Variants in RNF139 observed in about 807,000 individuals in gnomAD.
The protein encoded by RNF139 is ring finger protein 139.
RNF139 carries 15 observed loss-of-function variants against 49.5 expected under a neutral mutation model. That is an observed-to-expected ratio of 0.30 (90% CI 0.20 to 0.47). RNF139 has a LOEUF of 0.47. Ranked by LOEUF, RNF139 falls within the 20% of genes least tolerant of loss-of-function variation. The pLI, the probability that RNF139 is intolerant of heterozygous loss-of-function variation, is 1.00. For missense variants in RNF139, 619 were observed against 806.3 expected (o/e 0.77, Z 2.81); for synonymous variants, 325 against 300.9 (o/e 1.08, Z -0.83).
chr8:124,488,263 C>T lies in RNF139; in HGVS notation c.*619C>T, dbSNP rs914740243. Among the ~76,000 whole-genome samples the T allele has an allele frequency of 2.6e-5, 4 of 152,084 alleles. No individual in the cohort carries two copies. The highest frequency in any genetic ancestry group is 9.7e-5 in the African/African-American group (4 of 41,408). On this transcript the variant is annotated 3_prime_UTR_variant, in exon 2 of 2. Coordinates refer to ENST00000303545, the MANE Select transcript of RNF139 (RefSeq NM_007218.4). ...TGTATCAACTAAACTTTGATATAAA[C>T]CAGAATGTGCTAAATGTTTTTTATG...
chr8:124,478,527 G>A (rs1816348623), intron 1 of RNF139, among the ~76,000 whole-genome samples: 1 of 149,630 alleles, frequency 6.7e-6, no homozygotes, highest in Non-Finnish European at 1.5e-5. Flanking sequence ...AGAATCTCTC[G>A]AATCGGGGAG....
Position 124,474,971 on chromosome 8 carries a change from G to A in RNF139, c.-139G>A, listed in dbSNP as rs1013691852. On this transcript the variant is annotated 5_prime_UTR_variant, in exon 1 of 2. Transcript: ENST00000303545. This position sits in a 1 kb window ranked among gnomAD's most constrained non-coding sequence, Gnocchi z 4.6. ...CTCGAGGGACGCGAGCGGGCGGCGG[G>A]GCTGGCCGTGAGAGAGACAGGAGAG... 10 of 478,846 alleles carry A rather than the reference G, an allele frequency of 2.1e-5. No individual in the cohort carries two copies. Among genetic ancestry groups the A allele is most frequent in the Non-Finnish European group, 3.2e-5 (10 of 314,800 alleles). The allele number at this position is 478,846 out of a possible 1,614,324, so 29.7% of individuals were successfully genotyped here.
intron 1 of RNF139, among the ~76,000 whole-genome samples, chr8:124,479,649 C>T (rs1816373484): frequency 6.6e-6 from 1 of 152,108 alleles, no homozygotes; most frequent in South Asian, 2.1e-4. Flanking sequence ...GCACCTTGCA[C>T]CCCCACACCC....
rs751508560 is a variant in RNF139 at position 124,486,426 on chromosome 8, G to C, written c.777G>C (p.Met259Ile). The C allele has an allele frequency of 6.8e-6, 11 of 1,614,028 alleles. No homozygotes were observed. In the Admixed American group the frequency reaches 8.3e-5, roughly 12 times the overall value. ...CAGTGTTAATGTACATCTTAAGGAT[G>C]GCAAATGAAACTGATTCCTTCTTTA... is the stretch of plus-strand genomic sequence containing the variant. ...QATVLMYILRMANETDSFFIS... is the reference protein window; with the variant it reads ...QATVLMYILRIANETDSFFIS... Residue 259 changes from methionine (M) to isoleucine (I), a missense_variant, in exon 2 of 2, where the codon ATG becomes ATC. By Grantham distance (10) the Met-to-Ile change is conservative. This residue lies in a region of RNF139 where 530 missense variants were observed against 728.9 expected (regional missense o/e 0.73). Coordinates refer to ENST00000303545, the MANE Select transcript of RNF139 (RefSeq NM_007218.4).
Position 124,487,034 on chromosome 8 carries a change from A to C in RNF139, c.1385A>C (p.Tyr462Ser). 6.2e-7 allele frequency: 1 copy of C among 1,614,106 alleles called. No homozygotes were observed. The highest frequency in any genetic ancestry group is 1.1e-5 in the South Asian group (1 of 91,086). ...TGGGAAAAGCTTGACGATTATGTCT[A>C]CTACGTTCGTTCAACAGGCAGTATT... ...VLWEKLDDYVYYVRSTGSIIE... is the reference protein window; with the variant it reads ...VLWEKLDDYVSYVRSTGSIIE... Residue 462 changes from tyrosine to serine, a missense_variant, in exon 2 of 2, where the codon TAC becomes TCC. This residue lies in a region of RNF139 where 530 missense variants were observed against 728.9 expected (regional missense o/e 0.73). Transcript: ENST00000303545.
Position 124,486,622 on chromosome 8 carries a change from T to C in RNF139, c.973T>C (p.Phe325Leu). 6.2e-7 allele frequency: 1 copy of C among 1,614,204 alleles called. No homozygotes were observed. The highest frequency in any genetic ancestry group is 8.5e-7 in the Non-Finnish European group (1 of 1,180,030). ...TGAGGAAGATGACAGGCGTCTTGGC[T>C]TTGTTGCACCTGTTTTATTTTTTAT... ...STEEDDRRLG[F>L]VAPVLFFILA... is the part of the protein sequence containing the mutation. Residue 325 changes from phenylalanine (F) to leucine (L), a missense_variant, in exon 2 of 2, where the codon TTT becomes CTT. Transcript: ENST00000303545.
At chr8:124,481,681 C>T (rs1304129673) in intron 1 of RNF139, among the ~76,000 whole-genome samples, 1 of 151,994 alleles carries the variant, frequency 6.6e-6, no homozygotes, top group Non-Finnish European at 1.5e-5. Flanking sequence ...TCAGTAAATT[C>T]TGTTCTCAAA....
rs1204000114 is a variant in RNF139, at chr8:124,487,518, T to G, written c.1869T>G (p.Ala623=). 6 of 1,614,030 alleles carry G rather than the reference T, an allele frequency of 3.7e-6. No homozygotes were observed. Among genetic ancestry groups the G allele is most frequent in the African/African-American group, 1.3e-5 (1 of 74,950 alleles). Reference sequence around the variant, plus strand: ...AGGAAGCTGTAAGAGAAGCTGCTGCTGAATCTGACAGGGAATTGAACGAAG... The same window carrying G: ...AGGAAGCTGTAAGAGAAGCTGCTGCGGAATCTGACAGGGAATTGAACGAAG... The part of the protein sequence containing the change: ...TPEEAVREAA[A]ESDRELNEDD... Residue 623 remains alanine, a synonymous_variant, in exon 2 of 2, where the codon GCT becomes GCG. Transcript: ENST00000303545.
At position 124,486,346 on chromosome 8, in the gene RNF139, C is replaced by T. The variant is rs867861516; in HGVS notation, c.697C>T (p.Arg233Cys). The T allele has an allele frequency of 1.9e-6, 3 of 1,613,986 alleles. No homozygotes were observed. The highest frequency in any genetic ancestry group is 2.5e-6 in the Non-Finnish European group (3 of 1,180,014). The change falls in exon 2 of 2, where the codon CGT (arginine) becomes TGT (cysteine). Residue 233 changes from arginine (R) to cysteine (C), a missense_variant. Arg to Cys is a radical substitution (Grantham distance 180). Transcript: ENST00000303545. ...LLMEDTWKRIRFPDILRVFWL... is the reference protein window; with the variant it reads ...LLMEDTWKRICFPDILRVFWL... ...GATGGAGGACACATGGAAGAGGATT[C>T]GTTTCCCAGACATACTACGAGTCTT...
At chr8:124,475,314 T>TCCCGG in intron 1 of RNF139, 24 bp downstream of exon 1, 1 of 1,567,362 alleles carries the variant, frequency 6.4e-7, no homozygotes, top group Non-Finnish European at 8.7e-7. Flanking sequence ...GTACCGTACG[T>TCCCGG]CCCGGGACGG....
intron 1 of RNF139, among the ~76,000 whole-genome samples, chr8:124,480,446 AG>A (rs1177052450): frequency 4.0e-5 from 6 of 149,918 alleles, no homozygotes; most frequent in Admixed American, 1.3e-4. Flanking sequence ...ATCTTGGGTA[AG>A]GGGGAACTAC....
chr8:124,479,727 A>G lies in RNF139; in HGVS notation c.181+4437A>G, dbSNP rs542767794. On this transcript the variant is annotated intron_variant, in intron 1 of 1. Transcript: ENST00000303545. The stretch of plus-strand genomic sequence containing the variant: ...GGTTGAGAACCATTGGGATAGACAA[A>G]TAGATTAGTACTTAGCCTTATTTAT... 2.0e-4 allele frequency among the ~76,000 whole-genome samples: 31 copies of G among 152,294 alleles called. 2 individuals are homozygous for G. Among genetic ancestry groups the G allele is most frequent in the Middle Eastern group, 3.4e-3 (1 of 294 alleles).
rs1052814528 is a variant in RNF139 at position 124,475,054 on chromosome 8, G to C, written c.-56G>C. The C allele has an allele frequency of 5.5e-6, 7 of 1,266,286 alleles. No individual in the cohort carries two copies. The highest frequency in any genetic ancestry group is 7.0e-6 in the Non-Finnish European group (7 of 1,001,946). 78.4% of individuals were successfully genotyped at this position (1,266,286 alleles called of 1,614,324 possible). ...GCCCCCGCCCCCGGCCGCGGCCCCG[G>C]GCCCTGCCCCGCGCGGCCCTGCCCG... On this transcript the variant is annotated 5_prime_UTR_variant, in exon 1 of 2. Transcript: ENST00000303545.
intron 1 of RNF139, among the ~76,000 whole-genome samples, chr8:124,485,155 G>A (rs959621708): frequency 2.6e-5 from 4 of 152,160 alleles, no homozygotes; most frequent in African/African-American, 9.6e-5. Context: ...CTTGACGTCA[G>A]GAGTTAGAGA....
intron 1 of RNF139, among the ~76,000 whole-genome samples, chr8:124,477,549 A>G (rs1816334007): frequency 6.6e-6 from 1 of 152,204 alleles, no homozygotes; most frequent in African/African-American, 2.4e-5. Flanking sequence ...TGGTAGAAGT[A>G]TTTACTCCCC....
chr8:124,480,916 TA>T (rs564213429), intron 1 of RNF139, among the ~76,000 whole-genome samples: 86 of 152,292 alleles, frequency 5.6e-4, no homozygotes, highest in South Asian at 3.9e-3. Flanking sequence ...CAAATATTAA[TA>T]TTTTTTTTAT....
rs368019902 is a variant in RNF139, at chr8:124,486,242, T to G, written c.593T>G (p.Leu198Arg). Residue 198 changes from leucine (L) to arginine (R), a missense_variant, in exon 2 of 2, where the codon CTG (leucine) becomes CGG (arginine). Transcript: ENST00000303545. ...ACAGTGTTTGTCCTGGCAGTGAAACTGAAGTGGTTTTATTATTCCACACGA... is the reference window on the plus strand; with the variant it reads ...ACAGTGTTTGTCCTGGCAGTGAAACGGAAGTGGTTTTATTATTCCACACGA... ...LNTVFVLAVK[L>R]KWFYYSTRYV... is the part of the protein sequence containing the mutation. The G allele has an allele frequency of 1.9e-4, 303 of 1,614,020 alleles. No individual in the cohort carries two copies. Among genetic ancestry groups the G allele is most frequent in the Non-Finnish European group, 2.5e-4 (300 of 1,179,994 alleles).
At chr8:124,482,894 C>G (rs1816441309) in intron 1 of RNF139, among the ~76,000 whole-genome samples, 1 of 137,220 alleles carries the variant, frequency 7.3e-6, no homozygotes, top group Admixed American at 7.9e-5. Flanking sequence ...CCATTGCACT[C>G]CAGCCTGGGC....
chr8:124,486,137 T>C lies in RNF139; in HGVS notation c.488T>C (p.Val163Ala), dbSNP rs748082787. 3 of 1,614,204 alleles carry C rather than the reference T, an allele frequency of 1.9e-6. No homozygotes were observed. In the South Asian group the frequency reaches 3.3e-5, roughly 18 times the overall value. ...QLIILDLLVP[V>A]IGLITELPLH... ...ATTATTTTGGATCTCTTGGTTCCTG[T>C]AATAGGCTTAATCACAGAGCTACCA... The change falls in exon 2 of 2, where the codon GTA (valine) becomes GCA (alanine). Residue 163 changes from valine (V) to alanine (A), a missense_variant. This residue lies in a region of RNF139 where 530 missense variants were observed against 728.9 expected (regional missense o/e 0.73). Coordinates refer to ENST00000303545, the MANE Select transcript of RNF139 (RefSeq NM_007218.4).
Sources: gnomAD v4.1 joint callset for allele counts (sites outside exome capture counted in the v4.1 genomes callset) on GRCh38, gnomAD v4.1.1 for gene constraint, gnomAD v4.1.1 regional missense constraint, Gnocchi (gnomAD v3.1) non-coding constraint, MANE v1.5 for transcripts, NCBI Gene and HGNC (gene_info 2026-07-23, HGNC 2026-07-21) for gene names.